SYT1: variants seen among roughly 807,000 people sequenced by gnomAD.
SYT1 encodes the protein synaptotagmin 1, also known as synaptotagmin-1.
In SYT1, 8 loss-of-function variants were observed where a neutral mutation model predicts 44.8. The ratio of observed to expected loss-of-function variants is 0.18; its 90% confidence interval spans 0.10 to 0.32. The LOEUF (loss-of-function observed/expected upper bound fraction) is 0.32, where lower values mean the gene tolerates loss of function less well. SYT1 is among the 10% of genes least tolerant of loss of function. SYT1 has a pLI of 1.00. For synonymous variants in SYT1, 154 were observed against 188.8 expected, an observed-to-expected ratio of 0.82 and a Z score of 1.51; for missense variants, 286 against 509.3, an observed-to-expected ratio of 0.56 and a Z score of 4.22.
intron 2 of SYT1, among the ~76,000 whole-genome samples, chr12:78,991,629 G>A (rs1448994851): frequency 6.6e-6 from 1 of 152,056 alleles, no homozygotes; most frequent in Non-Finnish European, 1.5e-5. Flanking sequence ...TTTAAAATTA[G>A]AAATTAGACT....
chr12:79,261,880 A>C (rs2138731769), intron 4 of SYT1, among the ~76,000 whole-genome samples: 1 of 152,322 alleles, frequency 6.6e-6, no homozygotes, highest in Middle Eastern at 3.4e-3. Context: ...AATACCATGA[A>C]GAGTGGAAGT....
intron 3 of SYT1, among the ~76,000 whole-genome samples, chr12:79,216,829 AAC>A (rs1874837602): frequency 6.6e-6 from 1 of 152,210 alleles, no homozygotes; most frequent in Non-Finnish European, 1.5e-5. Flanking sequence ...ATATATAGTC[AAC>A]CATGCCACAT....
intron 1 of SYT1, among the ~76,000 whole-genome samples, chr12:78,943,564 C>A (rs947376110): frequency 2.6e-5 from 4 of 152,128 alleles, no homozygotes; most frequent in Non-Finnish European, 2.9e-5. Context: ...TCCCACCAGG[C>A]CCCCTCTTTA....
intron 9 of SYT1, among the ~76,000 whole-genome samples, chr12:79,402,323 G>T (rs1490980418): frequency 1.3e-5 from 2 of 152,128 alleles, no homozygotes; most frequent in Non-Finnish European, 2.9e-5. Context: ...GTAAACTTGT[G>T]CAATTTCCCA....
intron 2 of SYT1, among the ~76,000 whole-genome samples, chr12:79,044,067 C>T (rs1244985934): frequency 6.6e-6 from 1 of 152,010 alleles, no homozygotes; most frequent in Non-Finnish European, 1.5e-5. Flanking sequence ...ACATTTTTTC[C>T]TTCATTTCAA....
intron 2 of SYT1, among the ~76,000 whole-genome samples, chr12:79,032,949 G>C (rs1007261426): frequency 6.6e-6 from 1 of 151,266 alleles, no homozygotes; most frequent in Non-Finnish European, 1.5e-5. Flanking sequence ...ATTTCAAATT[G>C]AACTTCAGTC....
At chr12:79,135,237 A>G (rs974527689) in intron 3 of SYT1, among the ~76,000 whole-genome samples, 8 of 151,170 alleles carry the variant, frequency 5.3e-5, no homozygotes, top group Non-Finnish European at 8.9e-5. Flanking sequence ...ATATCTCCTA[A>G]TGCTATCCCT....
At chr12:78,988,618 A>G (rs1869815608) in intron 2 of SYT1, among the ~76,000 whole-genome samples, 1 of 151,952 alleles carries the variant, frequency 6.6e-6, no homozygotes, top group African/African-American at 2.4e-5. Context: ...TGCAGACATA[A>G]AGAACAAGAC....
At chr12:79,088,738 C>G (rs1304520690) in intron 3 of SYT1, among the ~76,000 whole-genome samples, 1 of 137,262 alleles carries the variant, frequency 7.3e-6, no homozygotes, top group Admixed American at 7.3e-5. Context: ...GGCTTTGGGC[C>G]TGTGTGTGTG....
At chr12:79,312,608 TTAGG>T (rs1880864162) in intron 8 of SYT1, among the ~76,000 whole-genome samples, 1 of 152,198 alleles carries the variant, frequency 6.6e-6, no homozygotes, top group African/African-American at 2.4e-5. Context: ...AAGCCTAATC[TTAGG>T]TAGTCTTATG....
chr12:79,049,662 AATAG>A (rs1874324756), intron 3 of SYT1, among the ~76,000 whole-genome samples: 1 of 151,982 alleles, frequency 6.6e-6, no homozygotes, highest in South Asian at 2.1e-4. Flanking sequence ...AGATGAATAT[AATAG>A]ATAATACAGT....
intron 9 of SYT1, among the ~76,000 whole-genome samples, chr12:79,406,307 T>C (rs115789607): frequency 0.026 from 3,945 of 152,168 alleles, 120 homozygotes; most frequent in African/African-American, 0.079. Flanking sequence ...AGCATAGAGG[T>C]GACCCTTGGG....
chr12:79,152,998 T>G (rs1347750357), intron 3 of SYT1, among the ~76,000 whole-genome samples: 2 of 151,972 alleles, frequency 1.3e-5, no homozygotes, highest in Non-Finnish European at 1.5e-5. Flanking sequence ...TATAAGAATA[T>G]TCAAGACCCT....
chr12:79,135,857 T>A (rs1869156570), intron 3 of SYT1, among the ~76,000 whole-genome samples: 1 of 152,192 alleles, frequency 6.6e-6, no homozygotes, highest in South Asian at 2.1e-4. Flanking sequence ...GTGGTTGAAT[T>A]TCTGAACAAA....
At chr12:78,929,884 G>C (rs564707548) in intron 1 of SYT1, among the ~76,000 whole-genome samples, 23 of 152,254 alleles carry the variant, frequency 1.5e-4, no homozygotes, top group African/African-American at 5.3e-4. Flanking sequence ...ATGTGGTGGG[G>C]GGAAGGGTGG....
intron 4 of SYT1, among the ~76,000 whole-genome samples, chr12:79,261,113 T>C (rs1877806775): frequency 6.6e-6 from 1 of 152,174 alleles, no homozygotes; most frequent in African/African-American, 2.4e-5. Context: ...TATAAAAACA[T>C]GCAGATTCTT....
At chr12:78,950,070 A>G (rs1878882413) in intron 1 of SYT1, among the ~76,000 whole-genome samples, 1 of 152,030 alleles carries the variant, frequency 6.6e-6, no homozygotes, top group Non-Finnish European at 1.5e-5. Flanking sequence ...CCTCCCTGGA[A>G]TTATTACTAT....
At chr12:78,996,837 A>C (rs943803082) in intron 2 of SYT1, among the ~76,000 whole-genome samples, 1 of 152,200 alleles carries the variant, frequency 6.6e-6, no homozygotes, top group African/African-American at 2.4e-5. Flanking sequence ...TTTAAAGGAA[A>C]CTCAGAAACA....
At chr12:79,047,613 C>G (rs1209684978) in intron 3 of SYT1, among the ~76,000 whole-genome samples, 1 of 151,774 alleles carries the variant, frequency 6.6e-6, no homozygotes, top group African/African-American at 2.4e-5. Context: ...TCCATCATAT[C>G]TTTTGACTAG....
Sources: gnomAD v4.1 joint callset for allele counts (sites outside exome capture counted in the v4.1 genomes callset) on GRCh38, gnomAD v4.1.1 for gene constraint, MANE v1.5 for transcripts, NCBI Gene and HGNC (gene_info 2026-07-23, HGNC 2026-07-21) for gene names.